Variants in WDR36 observed in about 807,000 individuals in gnomAD.
WDR36 encodes WD repeat domain 36, also known as WD repeat-containing protein 36.
WDR36 carries 63 observed loss-of-function variants against 112.7 expected under a neutral mutation model. The observed-to-expected ratio is 0.56, with a 90% confidence interval of 0.46 to 0.69. The LOEUF (loss-of-function observed/expected upper bound fraction) is 0.69. Ranked by LOEUF, WDR36 falls within the 30% of genes least tolerant of loss-of-function variation. The probability of loss-of-function intolerance (pLI) is 0.00; values close to 1 mark genes in which losing one functional copy is unlikely to be tolerated. For synonymous variants in WDR36, 410 were observed against 362.2 expected (o/e 1.13, Z -1.50); for missense variants, 1,226 against 1,070.3 (o/e 1.15, Z -2.03).
intron 19 of WDR36, among the ~76,000 whole-genome samples, chr5:111,122,533 A>G (rs977039245): frequency 6.6e-6 from 1 of 152,162 alleles, no homozygotes; most frequent in Non-Finnish European, 1.5e-5. Flanking sequence ...CCAAAGCCTT[A>G]TGGTTTTAAC....
chr5:111,110,948 G>T lies in WDR36; in HGVS notation c.1602G>T (p.Arg534Ser). 6.2e-7 allele frequency: 1 copy of T among 1,610,806 alleles called. No homozygotes were observed. The change falls in exon 14 of 23, where the codon AGG (arginine) becomes AGT (serine). Residue 534 changes from arginine (R) to serine (S), a missense_variant. Physicochemically the swap from Arg to Ser is moderately radical, Grantham distance 110 (BLOSUM62 -1). Transcript: ENST00000513710. ...SSSPNIMLLH[R>S]DSGILGLALD... ...CTCCAAATATCATGTTGCTACATAG[G>T]GACAGGTAAACTTTTAATGATAATG...
chr5:111,116,831 T>C (rs966399113), intron 16 of WDR36, among the ~76,000 whole-genome samples: 4 of 152,180 alleles, frequency 2.6e-5, no homozygotes. Context: ...AAGATAATTA[T>C]AGTTTGAAGT....
At chr5:111,099,080 C>T (rs916592050) in intron 4 of WDR36, among the ~76,000 whole-genome samples, 7 of 152,148 alleles carry the variant, frequency 4.6e-5, no homozygotes, top group Non-Finnish European at 7.4e-5. Flanking sequence ...TTTTCCATTG[C>T]AGTTCTCCAA....
At position 111,095,746 on chromosome 5, in the gene WDR36, A is replaced by G. The variant is rs1037565758; in HGVS notation, c.190+799A>G. On this transcript the variant is annotated intron_variant, in intron 2 of 22. Coordinates refer to ENST00000513710, the MANE Select transcript of WDR36 (RefSeq NM_139281.3). ...ACACTTCTGGTCTCAAACATTTCAG[A>G]TAAAGCATAGTCAGCCTATAGTGAT... 7.0e-4 allele frequency among the ~76,000 whole-genome samples: 107 copies of G among 152,350 alleles called. 1 individual carries two copies. The highest frequency in any genetic ancestry group is 1.4e-3 in the Non-Finnish European group (95 of 68,026).
intron 4 of WDR36, among the ~76,000 whole-genome samples, chr5:111,099,469 T>G (rs1217797275): frequency 5.5e-5 from 8 of 146,090 alleles, no homozygotes; most frequent in East Asian, 3.9e-4. Context: ...TTTTGTTTTT[T>G]TTTTTTTTTT....
rs1349788179 is a variant in WDR36, at chr5:111,105,506, T to C, written c.1093+146T>C. On this transcript the variant is annotated intron_variant, in intron 10 of 22. Coordinates refer to ENST00000513710, the MANE Select transcript of WDR36 (RefSeq NM_139281.3). ...TGTATGGAAGAGGTAGTAAGATTCCTAGCATCAAAGTTGCTATAGAAGTGA... is the reference window on the plus strand; with the variant it reads ...TGTATGGAAGAGGTAGTAAGATTCCCAGCATCAAAGTTGCTATAGAAGTGA... 1.8e-5 allele frequency: 14 copies of C among 786,602 alleles called. No homozygotes were observed. In the East Asian group the frequency reaches 3.8e-4, roughly 21 times the overall value. The allele number at this position is 786,602 out of a possible 1,614,324, so 48.7% of individuals were successfully genotyped here. A position where few individuals can be genotyped will look rare whatever the true frequency, so the allele number is the denominator to read the frequency against.
chr5:111,115,357 T>G (rs888236537), intron 16 of WDR36, among the ~76,000 whole-genome samples: 1 of 152,212 alleles, frequency 6.6e-6, no homozygotes, highest in Non-Finnish European at 1.5e-5. Flanking sequence ...ATGCTTTTAT[T>G]TTTCATATCC....
At chr5:111,111,035 T>A in intron 14 of WDR36, 82 bp downstream of exon 14, 1 of 1,576,308 alleles carries the variant, frequency 6.3e-7, no homozygotes. Flanking sequence ...GTGGGAAAAA[T>A]CAGACTCTTT....
Position 111,110,844 on chromosome 5 carries a change from A to G in WDR36, c.1498A>G (p.Thr500Ala). The G allele has an allele frequency of 6.2e-7, 1 of 1,611,476 alleles. No homozygotes were observed. The highest frequency in any genetic ancestry group is 8.5e-7 in the Non-Finnish European group (1 of 1,178,284). Residue 500 changes from threonine to alanine, a missense_variant, in exon 14 of 23, where the codon ACA becomes GCA. By Grantham distance (58) the Thr-to-Ala change is moderately conservative. Coordinates refer to ENST00000513710, the MANE Select transcript of WDR36 (RefSeq NM_139281.3). ...AVDGLNQLTV[T>A]TGSEGLLKFW... Reference sequence around the variant, plus strand: ...GGATGGATTAAACCAGTTGACAGTTACAACTGGTAGTGAAGGATTACTCAA... The same window carrying G: ...GGATGGATTAAACCAGTTGACAGTTGCAACTGGTAGTGAAGGATTACTCAA...
chr5:111,106,527 G>C (rs1753224864), intron 11 of WDR36, among the ~76,000 whole-genome samples: 1 of 151,370 alleles, frequency 6.6e-6, no homozygotes, highest in Non-Finnish European at 1.5e-5. Flanking sequence ...TATGTCATTT[G>C]ACCTGTGCCA....
At chr5:111,107,143 C>T in intron 11 of WDR36, 151 bp from the exon 12 acceptor site, 1 of 886,138 alleles carries the variant, frequency 1.1e-6, no homozygotes, top group Non-Finnish European at 1.7e-6. Flanking sequence ...AAAAAATAAT[C>T]TCTTGTTAGA....
chr5:111,101,169 T>C (rs1246654645), intron 5 of WDR36, among the ~76,000 whole-genome samples: 1 of 151,882 alleles, frequency 6.6e-6, no homozygotes, highest in Non-Finnish European at 1.5e-5. Flanking sequence ...TATAACTATA[T>C]GTTTGCTTTT....
At chr5:111,102,068 G>T (rs971289834) in intron 5 of WDR36, among the ~76,000 whole-genome samples, 1 of 151,364 alleles carries the variant, frequency 6.6e-6, no homozygotes, top group Non-Finnish European at 1.5e-5. Flanking sequence ...ACTGTAGCCT[G>T]TAATATAACA....
chr5:111,104,932 A>G, intron 9 of WDR36, 115 bp downstream of exon 9: 1 of 1,523,062 alleles, frequency 6.6e-7, no homozygotes, highest in Non-Finnish European at 9.0e-7. Context: ...TGAGTGACTT[A>G]GAAGTCTGGG....
intron 5 of WDR36, among the ~76,000 whole-genome samples, chr5:111,102,026 C>G (rs190937797): frequency 6.6e-6 from 1 of 151,634 alleles, no homozygotes; most frequent in Non-Finnish European, 1.5e-5. Context: ...CATGATGTTT[C>G]TATAAAGATA....
In WDR36 at chr5:111,126,978, A is replaced by G; in HGVS notation, c.*95A>G. Reference sequence around the variant, plus strand: ...AAGTGTCAATGTGAAAAGAAAATAAATGCTAGCACTACTGACTAGTCAGTA... The same window carrying G: ...AAGTGTCAATGTGAAAAGAAAATAAGTGCTAGCACTACTGACTAGTCAGTA... On this transcript the variant is annotated 3_prime_UTR_variant, in exon 23 of 23. Transcript: ENST00000513710. 2 of 1,213,600 alleles carry G rather than the reference A, an allele frequency of 1.6e-6. No homozygotes were observed. The highest frequency in any genetic ancestry group is 2.3e-6 in the Non-Finnish European group (2 of 876,938). The allele number at this position is 1,213,600 out of a possible 1,614,324, so 75.2% of individuals were successfully genotyped here. A position where few individuals can be genotyped will look rare whatever the true frequency, so the allele number is the denominator to read the frequency against.
intron 1 of WDR36, among the ~76,000 whole-genome samples, chr5:111,093,546 G>A (rs1469077181): frequency 6.6e-6 from 1 of 152,210 alleles, no homozygotes; most frequent in African/African-American, 2.4e-5. Flanking sequence ...GTCTGAGCTG[G>A]TAATGGAGAC....
intron 21 of WDR36, 84 bp from the exon 22 acceptor site, chr5:111,125,524 C>A: frequency 7.5e-7 from 1 of 1,337,056 alleles, no homozygotes; most frequent in Non-Finnish European, 1.0e-6. Context: ...TAAATATATC[C>A]TATTTGGGGT....
rs35527062 is a variant in WDR36 at position 111,113,052 on chromosome 5, A to ATAT, written c.1717-21_1717-20insATT. The ATAT allele has an allele frequency of 5.0e-3, 2,347 of 473,496 alleles. 64 individuals carry two copies. In the African/African-American group the frequency reaches 0.057, roughly 11 times the overall value. The allele number at this position is 473,496 out of a possible 1,614,324, so 29.3% of individuals were successfully genotyped here. On this transcript the variant is annotated intron_variant, in intron 15 of 22. Coordinates refer to ENST00000513710, the MANE Select transcript of WDR36 (RefSeq NM_139281.3). The stretch of plus-strand genomic sequence containing the variant: ...ATATAAATAATATATATATATATAT[A>ATAT]TTTTTTTTTTTTAATTTAAAGGCTT...
Sources: allele counts gnomAD v4.1 joint callset (sites outside exome capture counted in the v4.1 genomes callset), GRCh38; gene constraint gnomAD v4.1.1; transcripts MANE v1.5; gene names NCBI Gene and HGNC (gene_info 2026-07-23, HGNC 2026-07-21).